IRAK2: variants seen among roughly 807,000 people sequenced by gnomAD.
The protein encoded by IRAK2 is interleukin-1 receptor-associated kinase-like 2.
IRAK2 carries 57 observed loss-of-function variants against 72.0 expected under a neutral mutation model. The observed-to-expected ratio is 0.79, with a 90% CI of 0.64 to 0.99. The LOEUF is 0.99. Ranked by LOEUF, IRAK2 falls within the 50% of genes least tolerant of loss-of-function variation. The probability of loss-of-function intolerance (pLI) is 0.00; values close to 1 mark genes in which losing one functional copy is unlikely to be tolerated. For synonymous variants in IRAK2, 293 were observed against 312.7 expected, an observed-to-expected ratio of 0.94 and a Z score of 0.67; for missense variants, 790 against 794.4, an observed-to-expected ratio of 0.99 and a Z score of 0.07.
chr3:10,166,491 G>C (rs1416797676), intron 1 of IRAK2, among the ~76,000 whole-genome samples: 1 of 152,188 alleles, frequency 6.6e-6, no homozygotes, highest in African/African-American at 2.4e-5. Flanking sequence ...GGGCCAGTTT[G>C]TTAACCTCTC....
chr3:10,175,087 C>G lies in IRAK2; in HGVS notation c.95-2751C>G, dbSNP rs530843288. Among the ~76,000 whole-genome samples the G allele has an allele frequency of 6.0e-5, 9 of 150,638 alleles. No individual in the cohort carries two copies. The South Asian group carries it at 1.9e-3, about 32-fold the overall frequency. On this transcript the variant is annotated intron_variant, in intron 1 of 12. Coordinates refer to ENST00000256458, the MANE Select transcript of IRAK2 (RefSeq NM_001570.4). ...GCCACCTGGGCAACAGAGTGACACCCTGTCTCAAAAAAAAAAAAGATTTTT... is the reference window on the plus strand; with the variant it reads ...GCCACCTGGGCAACAGAGTGACACCGTGTCTCAAAAAAAAAAAAGATTTTT...
intron 8 of IRAK2, among the ~76,000 whole-genome samples, chr3:10,220,118 C>T (rs751241534): frequency 9.1e-4 from 139 of 152,324 alleles, no homozygotes; most frequent in Non-Finnish European, 1.0e-3. Flanking sequence ...ACCTCATCCT[C>T]GAACTTTGGG....
At chr3:10,168,035 G>A (rs537337561) in intron 1 of IRAK2, among the ~76,000 whole-genome samples, 101 of 151,866 alleles carry the variant, frequency 6.7e-4, no homozygotes, top group African/African-American at 2.4e-3. Context: ...GAGCTCAAGC[G>A]ATCTGCCCAT....
intron 3 of IRAK2, among the ~76,000 whole-genome samples, chr3:10,208,313 T>C (rs1697462663): frequency 6.6e-6 from 1 of 151,918 alleles, no homozygotes; most frequent in Admixed American, 6.6e-5. Flanking sequence ...CGGGAAGGAT[T>C]TTTTTTGAGA....
chr3:10,203,459 C>T (rs546663029), intron 3 of IRAK2, among the ~76,000 whole-genome samples: 13 of 152,292 alleles, frequency 8.5e-5, no homozygotes, highest in South Asian at 6.2e-4. Context: ...TGTCTTCTTT[C>T]GGGAAAACCC....
intron 8 of IRAK2, among the ~76,000 whole-genome samples, chr3:10,221,385 C>T (rs1697689723): frequency 6.7e-6 from 1 of 149,870 alleles, no homozygotes; most frequent in Non-Finnish European, 1.5e-5. Context: ...TCCAGAGTAG[C>T]TGGGACTACA....
chr3:10,179,528 G>A (rs1438466311), intron 2 of IRAK2, among the ~76,000 whole-genome samples: 1 of 151,474 alleles, frequency 6.6e-6, no homozygotes, highest in African/African-American at 2.4e-5. Flanking sequence ...CTGCCTCCTG[G>A]GTTCAAGTGA....
intron 3 of IRAK2, among the ~76,000 whole-genome samples, chr3:10,203,629 ATGTT>A (rs1697396727): frequency 6.6e-6 from 1 of 151,854 alleles, no homozygotes; most frequent in East Asian, 1.9e-4. Flanking sequence ...GGAGGAAAAT[ATGTT>A]TGTTTGTTTT....
intron 10 of IRAK2, among the ~76,000 whole-genome samples, chr3:10,231,988 A>G (rs558197462): frequency 1.4e-4 from 21 of 152,228 alleles, no homozygotes; most frequent in Non-Finnish European, 2.2e-4. Context: ...TTAGCCGGGC[A>G]TGGTGGCGGG....
intron 2 of IRAK2, among the ~76,000 whole-genome samples, chr3:10,195,623 G>C (rs1489810697): frequency 1.3e-5 from 2 of 152,234 alleles, no homozygotes; most frequent in South Asian, 2.1e-4. Flanking sequence ...GTTTTACTGT[G>C]ATGAGAACAA....
chr3:10,239,497 TCACCC>T (rs1698018472), intron 12 of IRAK2, among the ~76,000 whole-genome samples: 1 of 107,754 alleles, frequency 9.3e-6, no homozygotes. Flanking sequence ...TCACCTGAGG[TCACCC>T]TGGCCAGATC....
intron 8 of IRAK2, among the ~76,000 whole-genome samples, chr3:10,220,217 G>C (rs562287448): frequency 6.6e-6 from 1 of 152,302 alleles, no homozygotes; most frequent in South Asian, 2.1e-4. Flanking sequence ...GTTGGTGTTA[G>C]CATCTTGTCT....
intron 1 of IRAK2, among the ~76,000 whole-genome samples, chr3:10,167,563 T>C (rs113331905): frequency 0.031 from 4,714 of 152,096 alleles, 105 homozygotes; most frequent in South Asian, 0.068. Flanking sequence ...TACAGGTGCC[T>C]GCCACCATGC....
At chr3:10,224,473 C>T (rs1275295638) in intron 9 of IRAK2, among the ~76,000 whole-genome samples, 3 of 151,518 alleles carry the variant, frequency 2.0e-5, no homozygotes, top group Non-Finnish European at 2.9e-5. Context: ...ATGGGGCTAA[C>T]GATACACATG....
At chr3:10,214,805 CT>C (rs1216868094) in intron 6 of IRAK2, among the ~76,000 whole-genome samples, 3 of 151,612 alleles carry the variant, frequency 2.0e-5, no homozygotes, top group Non-Finnish European at 2.9e-5. Context: ...TATACAAAAA[CT>C]TTTTTTGGCT....
chr3:10,216,361 A>G (rs553908172), intron 6 of IRAK2, among the ~76,000 whole-genome samples: 5 of 152,216 alleles, frequency 3.3e-5, no homozygotes, highest in African/African-American at 4.8e-5. Flanking sequence ...GGAGCTTAGG[A>G]TGGGGCTGGA....
intron 10 of IRAK2, among the ~76,000 whole-genome samples, chr3:10,229,422 G>GT (rs989632350): frequency 4.6e-5 from 7 of 152,168 alleles, no homozygotes; most frequent in African/African-American, 1.7e-4. Flanking sequence ...GCCTGTATGA[G>GT]TTTTGACAAA....
At chr3:10,224,357 A>G (rs987823602) in intron 9 of IRAK2, among the ~76,000 whole-genome samples, 4 of 151,414 alleles carry the variant, frequency 2.6e-5, no homozygotes, top group African/African-American at 9.7e-5. Flanking sequence ...AAAAAGAAAA[A>G]AAAGAACCAG....
chr3:10,238,878 C>G lies in IRAK2; in HGVS notation c.1604C>G (p.Ser535Cys). 1 of 1,614,104 alleles carries G rather than the reference C, an allele frequency of 6.2e-7. No homozygotes were observed. The highest frequency in any genetic ancestry group is 1.3e-5 in the African/African-American group (1 of 75,022). ...TPEETDDVDN[S>C]SLDASSSMSV... ...GAGGAAACAGACGACGTTGACAATT[C>G]CAGCCTTGATGCCTCCTCCTCCATG... The change falls in exon 12 of 13, where the codon TCC (serine) becomes TGC (cysteine). Residue 535 changes from serine to cysteine, a missense_variant. Transcript: ENST00000256458.
Sources: gnomAD v4.1 joint callset for allele counts (sites outside exome capture counted in the v4.1 genomes callset) on GRCh38, gnomAD v4.1.1 for gene constraint, MANE v1.5 for transcripts, NCBI Gene and HGNC (gene_info 2026-07-23, HGNC 2026-07-21) for gene names.